Variants in RFT1 observed in about 807,000 individuals in gnomAD.
The protein encoded by RFT1 is RFT1 glycolipid translocator homolog, also known as man(5)GlcNAc(2)-PP-dolichol translocation protein RFT1.
In RFT1, 43 loss-of-function variants were observed where a neutral mutation model predicts 62.2. That is an observed-to-expected ratio of 0.69 (90% CI 0.54 to 0.89). RFT1 has a LOEUF of 0.89. Among genes scored for constraint, RFT1 ranks in the 40% least tolerant of loss-of-function variants. The probability of loss-of-function intolerance (pLI) is 0.00; values close to 1 mark genes in which losing one functional copy is unlikely to be tolerated. For synonymous variants in RFT1, 262 were observed against 264.6 expected (o/e 0.99, Z 0.10); for missense variants, 605 against 649.9 (o/e 0.93, Z 0.75).
At chr3:53,086,314 C>CT (rs1418353589), downstream of RFT1, among the ~76,000 whole-genome samples, 1 of 151,544 alleles carries the variant, frequency 6.6e-6, no homozygotes, top group African/African-American at 2.4e-5. Context: ...GCTTTTTTTT[C>CT]TTTTTTACTT....
chr3:53,101,091 C>T (rs2107099960), intron 10 of RFT1, among the ~76,000 whole-genome samples: 1 of 152,234 alleles, frequency 6.6e-6, no homozygotes. Flanking sequence ...TGCTGTGGGA[C>T]CCCTAAACAG....
At position 53,105,809 on chromosome 3, in the gene RFT1, A is replaced by C. The variant is rs753486430; in HGVS notation, c.827-6T>G. The C allele has an allele frequency of 3.7e-6, 6 of 1,611,668 alleles. No homozygotes were observed. In the Middle Eastern group the frequency reaches 9.9e-4, roughly 266 times the overall value. ...ATTCACTATATCATACACACCTACA[A>C]AACAAAAAAGAAGAAACAACAATCA... On this transcript the variant is annotated splice_region_variant and splice_polypyrimidine_tract_variant and intron_variant, in intron 8 of 12. Transcript: ENST00000296292.
the RFT1 span, among the ~76,000 whole-genome samples, chr3:53,082,512 T>C: frequency 5.3e-5 from 8 of 151,510 alleles, no homozygotes; most frequent in Admixed American, 1.3e-4. Context: ...ATAATGATAA[T>C]AATAATAATA....
chr3:53,104,588 T>G (rs193100734), intron 9 of RFT1, among the ~76,000 whole-genome samples: 2 of 152,318 alleles, frequency 1.3e-5, no homozygotes, highest in Non-Finnish European at 1.5e-5. Context: ...GCTCTGTGCT[T>G]CTCCTGCTAA....
At chr3:53,130,317 A>G (rs750414416) in intron 1 of RFT1, 21 bp downstream of exon 1, 1 of 1,561,400 alleles carries the variant, frequency 6.4e-7, no homozygotes, top group East Asian at 2.4e-5. Flanking sequence ...TACAAGCTGG[A>G]ACCTGAAGGG....
At chr3:53,130,313 C>G in intron 1 of RFT1, 25 bp downstream of exon 1, 1 of 1,559,526 alleles carries the variant, frequency 6.4e-7, no homozygotes, top group Non-Finnish European at 8.7e-7. Context: ...GCAGTACAAG[C>G]TGGAACCTGA....
chr3:53,118,250 A>C (rs1372325047), intron 6 of RFT1, among the ~76,000 whole-genome samples: 2 of 152,178 alleles, frequency 1.3e-5, no homozygotes. Flanking sequence ...CAGGCTTGGT[A>C]CAGGTGGGCA....
At chr3:53,084,560 A>C (rs1700818857), downstream of RFT1, among the ~76,000 whole-genome samples, 1 of 152,202 alleles carries the variant, frequency 6.6e-6, no homozygotes. Flanking sequence ...CCGTGTCTTA[A>C]TTAGTCACTG....
At chr3:53,086,750 C>A (rs7625448), downstream of RFT1, among the ~76,000 whole-genome samples, 24,010 of 152,050 alleles carry the variant, frequency 0.16, 2,717 homozygotes, top group African/African-American at 0.32. Flanking sequence ...CTCCCGGCTT[C>A]CAGTGTGCCT....
the RFT1 span, among the ~76,000 whole-genome samples, chr3:53,066,983 G>A: frequency 6.6e-6 from 1 of 152,166 alleles, no homozygotes; most frequent in Non-Finnish European, 1.5e-5. Flanking sequence ...ACTACTCAAC[G>A]ATAAAAAAGA....
At chr3:53,101,345 G>A (rs904377006) in intron 10 of RFT1, among the ~76,000 whole-genome samples, 2 of 152,240 alleles carry the variant, frequency 1.3e-5, no homozygotes, top group Non-Finnish European at 2.9e-5. Context: ...TGTGCCTCCT[G>A]CTTCTCCCCA....
chr3:53,102,864 C>T (rs191633009), intron 10 of RFT1, among the ~76,000 whole-genome samples: 1 of 152,284 alleles, frequency 6.6e-6, no homozygotes, highest in Non-Finnish European at 1.5e-5. Flanking sequence ...CTTGAGGCAA[C>T]GCCCTGTGAT....
At chr3:53,117,563 G>C (rs749478899) in intron 6 of RFT1, among the ~76,000 whole-genome samples, 1 of 152,200 alleles carries the variant, frequency 6.6e-6, no homozygotes, top group Non-Finnish European at 1.5e-5. Flanking sequence ...GCCTTCTCAT[G>C]ATCAGGGCTT....
At chr3:53,084,651 G>A (rs980595022), downstream of RFT1, among the ~76,000 whole-genome samples, 1 of 152,250 alleles carries the variant, frequency 6.6e-6, no homozygotes, top group Admixed American at 6.5e-5. Flanking sequence ...GATTAAAGGT[G>A]AGAGGCCGCT....
chr3:53,083,088 C>G, the RFT1 span, among the ~76,000 whole-genome samples: 1 of 149,214 alleles, frequency 6.7e-6, no homozygotes, highest in African/African-American at 2.5e-5. Flanking sequence ...GTAATCCCAA[C>G]TATTCGGCAG....
At chr3:53,101,945 G>A (rs887514394) in intron 10 of RFT1, among the ~76,000 whole-genome samples, 3 of 152,090 alleles carry the variant, frequency 2.0e-5, no homozygotes, top group Admixed American at 6.6e-5. Context: ...AGGCTGAGGC[G>A]GGAGTCTCTT....
chr3:53,077,134 A>G, the RFT1 span, among the ~76,000 whole-genome samples: 1 of 152,162 alleles, frequency 6.6e-6, no homozygotes, highest in Admixed American at 6.5e-5. Context: ...CCATACGTGT[A>G]TTGTTTTGAT....
At chr3:53,114,410 T>C (rs1241090438) in intron 6 of RFT1, among the ~76,000 whole-genome samples, 3 of 152,214 alleles carry the variant, frequency 2.0e-5, no homozygotes, top group Admixed American at 2.0e-4. Context: ...GAGCTCATAC[T>C]TGATTTTCCT....
At chr3:53,114,669 G>C (rs1040540407) in intron 6 of RFT1, among the ~76,000 whole-genome samples, 2 of 152,140 alleles carry the variant, frequency 1.3e-5, no homozygotes, top group Admixed American at 6.5e-5. Context: ...GGTTGGTACT[G>C]ATGAGCTGAT....
Sources: allele counts gnomAD v4.1 joint callset (sites outside exome capture counted in the v4.1 genomes callset), GRCh38; gene constraint gnomAD v4.1.1; transcripts MANE v1.5; gene names NCBI Gene and HGNC (gene_info 2026-07-23, HGNC 2026-07-21).